Variants in ARHGAP21 observed in about 807,000 individuals in gnomAD.
ARHGAP21 encodes Rho GTPase activating protein 21.
A neutral mutation model predicts 164.6 loss-of-function variants in ARHGAP21; 38 were observed. The observed-to-expected ratio is 0.23, with a 90% CI of 0.18 to 0.30. The LOEUF is 0.30. Ranked by LOEUF, ARHGAP21 falls within the 10% of genes least tolerant of loss-of-function variation. The pLI is 1.00. For synonymous variants in ARHGAP21, 766 were observed against 857.9 expected, an observed-to-expected ratio of 0.89 and a Z score of 1.87; for missense variants, 1,822 against 2,370.7, an observed-to-expected ratio of 0.77 and a Z score of 4.81.
At chr10:24,658,194 T>G (rs1360531464) in intron 4 of ARHGAP21, among the ~76,000 whole-genome samples, 1 of 152,118 alleles carries the variant, frequency 6.6e-6, no homozygotes, top group Non-Finnish European at 1.5e-5. Flanking sequence ...GGAGAGGATG[T>G]AGAGAAACAG....
At chr10:24,638,160 C>T (rs1445832332) in intron 4 of ARHGAP21, among the ~76,000 whole-genome samples, 7 of 152,052 alleles carry the variant, frequency 4.6e-5, no homozygotes, top group Admixed American at 3.9e-4. Context: ...CCACCGAGCC[C>T]GGCCTCTTGC....
intron 7 of ARHGAP21, among the ~76,000 whole-genome samples, chr10:24,627,662 T>A (rs1225365839): frequency 6.6e-6 from 1 of 152,256 alleles, no homozygotes; most frequent in African/African-American, 2.4e-5. Context: ...GGATACTTTA[T>A]ATTTTACTTT....
At chr10:24,656,377 C>T (rs1838927427) in intron 4 of ARHGAP21, among the ~76,000 whole-genome samples, 1 of 106,632 alleles carries the variant, frequency 9.4e-6, no homozygotes, top group Non-Finnish European at 2.0e-5. Flanking sequence ...GCCGCCCCGT[C>T]CGGGAGGGAG....
chr10:24,654,983 G>C (rs1254341313), intron 4 of ARHGAP21, among the ~76,000 whole-genome samples: 3 of 152,188 alleles, frequency 2.0e-5, no homozygotes, highest in African/African-American at 4.8e-5. Context: ...ACAACCATCT[G>C]ATCTTTGACA....
intron 4 of ARHGAP21, among the ~76,000 whole-genome samples, chr10:24,655,040 A>G (rs532164121): frequency 1.2e-4 from 19 of 152,354 alleles, no homozygotes; most frequent in African/African-American, 4.3e-4. Context: ...TATTTAATAA[A>G]AGGTGCTGGG....
chr10:24,702,730 G>T (rs1289912653), intron 2 of ARHGAP21, among the ~76,000 whole-genome samples: 1 of 152,032 alleles, frequency 6.6e-6, no homozygotes, highest in African/African-American at 2.4e-5. Flanking sequence ...GGGACTACAG[G>T]TGTGCACTAC....
intron 4 of ARHGAP21, 140 bp downstream of exon 4, chr10:24,666,845 T>C: frequency 1.8e-6 from 1 of 543,610 alleles, no homozygotes; most frequent in Non-Finnish European, 3.2e-6. Context: ...AAAAAACATT[T>C]AATTCTATGA....
At chr10:24,656,212 T>G (rs1243401620) in intron 4 of ARHGAP21, among the ~76,000 whole-genome samples, 6 of 104,268 alleles carry the variant, frequency 5.8e-5, no homozygotes, top group East Asian at 3.0e-4. Flanking sequence ...GGGAGGGAGG[T>G]GGGGGGGTCA....
chr10:24,625,149 C>A (rs1834997218), intron 7 of ARHGAP21, among the ~76,000 whole-genome samples: 1 of 138,668 alleles, frequency 7.2e-6, no homozygotes, highest in Admixed American at 7.9e-5. Flanking sequence ...TTAAATACAA[C>A]TTAATATTAA....
In ARHGAP21 at chr10:24,584,895, G is replaced by T. The variant is rs1276047992; in HGVS notation, c.5394C>A (p.Ile1798=). The change falls in exon 26 of 26, where the codon ATC becomes ATA. Residue 1798 remains isoleucine (I), a synonymous_variant. Transcript: ENST00000396432. Reference sequence around the variant, plus strand: ...GCCCTCCTAGTGTATGTCTGCGCCGGATGCTTTTCCTTTTAGCAGTCTCGG... The same window carrying T: ...GCCCTCCTAGTGTATGTCTGCGCCGTATGCTTTTCCTTTTAGCAGTCTCGG... The part of the protein sequence containing the change: ...VNAETAKRKS[I]RRRHTLGGHR... 1.2e-6 allele frequency: 2 copies of T among 1,613,772 alleles called. No individual in the cohort carries two copies. The highest frequency in any genetic ancestry group is 2.7e-5 in the African/African-American group (2 of 74,900).
intron 9 of ARHGAP21, among the ~76,000 whole-genome samples, chr10:24,619,197 A>T: frequency 6.6e-6 from 1 of 152,180 alleles, no homozygotes. Context: ...TGATTTCCTT[A>T]ATCTCAGGAA....
At chr10:24,607,360 T>C in intron 11 of ARHGAP21, 139 bp downstream of exon 11, 1 of 716,318 alleles carries the variant, frequency 1.4e-6, no homozygotes, top group Non-Finnish European at 2.3e-6. Flanking sequence ...AATGTTACCA[T>C]TAACAACTTT....
intron 4 of ARHGAP21, among the ~76,000 whole-genome samples, chr10:24,637,977 G>A (rs1836563333): frequency 6.6e-6 from 1 of 151,216 alleles, no homozygotes; most frequent in Non-Finnish European, 1.5e-5. Context: ...CGATTCTCCT[G>A]CCTCAGCCTC....
rs776674431 is a variant in ARHGAP21 at position 24,619,627 on chromosome 10, G to A, written c.2268C>T (p.Tyr756=). The change falls in exon 9 of 26, where the codon TAC becomes TAT. Residue 756 remains tyrosine, a synonymous_variant. Coordinates refer to ENST00000396432, the MANE Select transcript of ARHGAP21 (RefSeq NM_020824.4). ...QTPQPLRHQS[Y]ILAVNDQETG... ...TCTCCTGGTCATTTACTGCCAAGAT[G>A]TAAGACTGATGCCTTAAAGGCTGCG... 35 of 1,614,202 alleles carry A rather than the reference G, an allele frequency of 2.2e-5. No individual in the cohort carries two copies. The South Asian group carries it at 3.2e-4, about 15-fold the overall frequency.
At chr10:24,688,107 G>A (rs1053087227) in intron 2 of ARHGAP21, among the ~76,000 whole-genome samples, 1 of 152,162 alleles carries the variant, frequency 6.6e-6, no homozygotes, top group Non-Finnish European at 1.5e-5. Context: ...ATTCAATTTG[G>A]TGGCCAGGTG....
chr10:24,705,300 C>A (rs1355163412), intron 2 of ARHGAP21, among the ~76,000 whole-genome samples: 1 of 152,132 alleles, frequency 6.6e-6, no homozygotes, highest in African/African-American at 2.4e-5. Flanking sequence ...CTCTTAGCAG[C>A]CATTCAAAAT....
intron 4 of ARHGAP21, among the ~76,000 whole-genome samples, chr10:24,641,118 A>G (rs1029682257): frequency 4.6e-5 from 7 of 152,340 alleles, no homozygotes; most frequent in Admixed American, 1.3e-4. Context: ...TATTGTTGAC[A>G]ACAGGCTTCT....
chr10:24,687,568 C>T (rs1021912383), intron 2 of ARHGAP21, among the ~76,000 whole-genome samples: 1 of 152,192 alleles, frequency 6.6e-6, no homozygotes, highest in Non-Finnish European at 1.5e-5. Context: ...TATTTTTACA[C>T]ATTTTCTTGT....
intron 2 of ARHGAP21, among the ~76,000 whole-genome samples, chr10:24,697,046 G>A (rs1341940789): frequency 6.6e-6 from 1 of 152,184 alleles, no homozygotes; most frequent in Non-Finnish European, 1.5e-5. Flanking sequence ...GTAGGAATGA[G>A]TATCAAAATC....
Sources: allele counts gnomAD v4.1 joint callset (sites outside exome capture counted in the v4.1 genomes callset), GRCh38; gene constraint gnomAD v4.1.1; transcripts MANE v1.5; gene names NCBI Gene and HGNC (gene_info 2026-07-23, HGNC 2026-07-21).